Variants in DNAAF5 observed in about 807,000 individuals in gnomAD.
The protein encoded by DNAAF5 is HEAT repeat containing 2.
A neutral mutation model predicts 75.8 loss-of-function variants in DNAAF5; 64 were observed. That is an observed-to-expected ratio of 0.84 (90% CI 0.69 to 1.04). The LOEUF is 1.04. Among genes scored for constraint, DNAAF5 ranks in the 50% least tolerant of loss-of-function variants. The probability of loss-of-function intolerance (pLI) is 0.00; values close to 1 mark genes in which losing one functional copy is unlikely to be tolerated. For missense variants in DNAAF5, 1,269 were observed against 1,178.5 expected (o/e 1.08, Z -1.12); for synonymous variants, 657 against 557.2 (o/e 1.18, Z -2.52).
intron 8 of DNAAF5, among the ~76,000 whole-genome samples, chr7:766,188 G>A (rs753896190): frequency 6.6e-6 from 1 of 152,230 alleles, no homozygotes; most frequent in Non-Finnish European, 1.5e-5. Flanking sequence ...GCGCACACAT[G>A]TGTGGTGCTC....
chr7:753,482 C>T (rs1448976304), intron 4 of DNAAF5, among the ~76,000 whole-genome samples: 1 of 152,226 alleles, frequency 6.6e-6, no homozygotes, highest in Non-Finnish European at 1.5e-5. Context: ...CAGAGGAAGC[C>T]GGGCGAAGGA....
At position 779,379 on chromosome 7, in the gene DNAAF5, G is replaced by A. The variant is rs186613927; in HGVS notation, c.2240-574G>A. 2.3e-3 allele frequency among the ~76,000 whole-genome samples: 352 copies of A among 152,360 alleles called. 1 individual carries two copies. Among genetic ancestry groups the A allele is most frequent in the African/African-American group, 8.0e-3 (333 of 41,588 alleles). ...GCGAATTTCCGGATGCTGCACAGAA[G>A]GGGGTGCCAAAGTTTTTTTAAGATG... is the stretch of plus-strand genomic sequence containing the variant. On this transcript the variant is annotated intron_variant, in intron 11 of 12. Coordinates refer to ENST00000297440, the MANE Select transcript of DNAAF5 (RefSeq NM_017802.4).
chr7:779,930 C>T (rs1345117548), intron 11 of DNAAF5, 23 bp from the exon 12 acceptor site: 2 of 1,607,068 alleles, frequency 1.2e-6, no homozygotes, highest in African/African-American at 1.3e-5. Context: ...GACTCACACA[C>T]CTGTCTCGCT....
At chr7:749,865 AT>A (rs1246055760) in intron 4 of DNAAF5, among the ~76,000 whole-genome samples, 7 of 152,020 alleles carry the variant, frequency 4.6e-5, no homozygotes, top group South Asian at 4.1e-4. Flanking sequence ...CACCTGGATA[AT>A]TTTTGTGTTT....
Position 729,759 on chromosome 7 carries a change from C to G in DNAAF5, c.692C>G (p.Thr231Arg), listed in dbSNP as rs747636361. ...WKVRVAAIEA[T>R]GAVIHFGNGK... ...GTCCGTGTGGCCGCCATTGAAGCCA[C>G]AGGCGCAGTGATCCATTTTGGCAAC... is the stretch of plus-strand genomic sequence containing the variant. The change falls in exon 2 of 13, where the codon ACA (threonine) becomes AGA (arginine). Residue 231 changes from threonine (T) to arginine (R), a missense_variant. Thr to Arg is a moderately conservative substitution (Grantham distance 71). Coordinates refer to ENST00000297440, the MANE Select transcript of DNAAF5 (RefSeq NM_017802.4). 1 of 1,614,226 alleles carries G rather than the reference C, an allele frequency of 6.2e-7. No homozygotes were observed. The highest frequency in any genetic ancestry group is 1.7e-5 in the Admixed American group (1 of 60,034).
rs370474865 is a variant in DNAAF5 at position 779,958 on chromosome 7, T to C, written c.2245T>C (p.Leu749=). Residue 749 remains leucine (L), a synonymous_variant, in exon 12 of 13, where the codon TTA becomes CTA. Coordinates refer to ENST00000297440, the MANE Select transcript of DNAAF5 (RefSeq NM_017802.4). ...GTCTCGCTCCCTCCTTCCAGAACTC[T>C]TAAAACGCCTAGATGACGTGTCCAA... ...EKLIRIYPEL[L]KRLDDVSNDV... The C allele has an allele frequency of 3.1e-6, 5 of 1,613,948 alleles. No individual in the cohort carries two copies. The highest frequency in any genetic ancestry group is 4.2e-6 in the Non-Finnish European group (5 of 1,179,956).
At chr7:737,330 A>G (rs1781769546) in intron 2 of DNAAF5, among the ~76,000 whole-genome samples, 1 of 152,194 alleles carries the variant, frequency 6.6e-6, no homozygotes, top group African/African-American at 2.4e-5. Flanking sequence ...TCCTGAGCTC[A>G]GGTGATCTGC....
At position 726,731 on chromosome 7, in the gene DNAAF5, T is replaced by TG; in HGVS notation, c.16dup (p.Val6GlyfsTer12). On this transcript the variant is annotated frameshift_variant, in exon 1 of 13. Coordinates refer to ENST00000297440, the MANE Select transcript of DNAAF5 (RefSeq NM_017802.4). LOFTEE classifies it high-confidence loss of function. ...GGCGACGCGGGCAAGATGGCGGCGC[T>TG]GGGGGTGGCGGAGGCCGTGGCGGCC... is the stretch of plus-strand genomic sequence containing the variant. The TG allele has an allele frequency of 1.6e-6, 2 of 1,239,902 alleles. No homozygotes were observed. The highest frequency in any genetic ancestry group is 2.0e-6 in the Non-Finnish European group (2 of 992,942). The allele number at this position is 1,239,902 out of a possible 1,614,324, so 76.8% of individuals were successfully genotyped here. A position where few individuals can be genotyped will look rare whatever the true frequency, so the allele number is the denominator to read the frequency against.
At chr7:774,460 C>T (rs1432557816) in intron 10 of DNAAF5, among the ~76,000 whole-genome samples, 6 of 152,242 alleles carry the variant, frequency 3.9e-5, no homozygotes, top group Non-Finnish European at 7.3e-5. Context: ...TTTGCAGCCG[C>T]TCATGAGCGT....
intron 8 of DNAAF5, among the ~76,000 whole-genome samples, chr7:767,833 A>C (rs1015593145): frequency 6.7e-5 from 10 of 148,582 alleles, no homozygotes; most frequent in Non-Finnish European, 1.3e-4. Context: ...TCCGGGTGGA[A>C]GTGTCCCTGC....
intron 1 of DNAAF5, among the ~76,000 whole-genome samples, chr7:727,901 G>A (rs373622656): frequency 6.6e-6 from 1 of 151,552 alleles, no homozygotes; most frequent in South Asian, 2.1e-4. Context: ...CCTGTTAGGC[G>A]GTTTGGGGTG....
intron 9 of DNAAF5, chr7:771,729 G>C (rs1287555899): frequency 6.6e-6 from 1 of 152,228 alleles, no homozygotes; most frequent in Non-Finnish European, 1.5e-5. Flanking sequence ...CAGGGTCCAG[G>C]CCCTTCCCTC....
Position 727,326 on chromosome 7 carries a change from CG to C in DNAAF5, c.595+14del, listed in dbSNP as rs1420358719. 1 of 1,261,152 alleles carries C rather than the reference CG, an allele frequency of 7.9e-7. No homozygotes were observed. Among genetic ancestry groups the C allele is most frequent in the Non-Finnish European group, 1.0e-6 (1 of 1,001,612 alleles). 78.1% of individuals were successfully genotyped at this position (1,261,152 alleles called of 1,614,324 possible). ...CGCAGGCCACGCCCGGTGAGCACCC[CG>C]GGCCCCGCTCCCACACGCCACCCCA... On this transcript the variant is annotated intron_variant, in intron 1 of 12. Coordinates refer to ENST00000297440, the MANE Select transcript of DNAAF5 (RefSeq NM_017802.4).
intron 8 of DNAAF5, 116 bp from the exon 9 acceptor site, chr7:770,355 T>C: frequency 2.4e-6 from 2 of 816,398 alleles, no homozygotes; most frequent in Non-Finnish European, 3.8e-6. Context: ...AGCGGGGAGG[T>C]GGTGGCCGAT....
chr7:763,890 C>T lies in DNAAF5; in HGVS notation c.1699C>T (p.Leu567=), dbSNP rs1319577254. 10 of 1,612,982 alleles carry T rather than the reference C, an allele frequency of 6.2e-6. No homozygotes were observed. The highest frequency in any genetic ancestry group is 4.0e-5 in the African/African-American group (3 of 74,960). The change falls in exon 8 of 13, where the codon CTG becomes TTG. Residue 567 remains leucine (L), a synonymous_variant. Coordinates refer to ENST00000297440, the MANE Select transcript of DNAAF5 (RefSeq NM_017802.4). The part of the protein sequence containing the change: ...DLYRKHIGPL[L]ERVTASHLDW... ...CTACCGCAAGCACATTGGTCCCCTC[C>T]TGGAGCGGGTGACCGCGTCGCACCT...
At chr7:735,588 G>A (rs1392636674) in intron 2 of DNAAF5, among the ~76,000 whole-genome samples, 5 of 152,198 alleles carry the variant, frequency 3.3e-5, no homozygotes, top group Admixed American at 1.3e-4. Context: ...TCACAGTGTA[G>A]TTGCTCACAG....
intron 4 of DNAAF5, among the ~76,000 whole-genome samples, chr7:745,407 C>T (rs1284284613): frequency 6.7e-6 from 1 of 149,170 alleles, no homozygotes; most frequent in Admixed American, 6.7e-5. Flanking sequence ...AGGGAGAAGA[C>T]AGAGCGAGGC....
intron 6 of DNAAF5, 137 bp from the exon 7 acceptor site, chr7:761,616 C>A (rs1782646730): frequency 2.4e-6 from 2 of 821,974 alleles, no homozygotes; most frequent in South Asian, 3.7e-5. Context: ...AAAGACCCAC[C>A]CCCATGATTC....
In DNAAF5 at chr7:754,502, G is replaced by T; in HGVS notation, c.1025-87G>T. 9.2e-7 allele frequency: 1 copy of T among 1,082,640 alleles called. No individual in the cohort carries two copies. Among genetic ancestry groups the T allele is most frequent in the South Asian group, 1.4e-5 (1 of 72,224 alleles). 67.1% of individuals were successfully genotyped at this position (1,082,640 alleles called of 1,614,324 possible). ...GAAATGGTGAGGTTGAAACTCACAGGTGTCCCTTAAATGTGATGTGCGGTA... is the reference window on the plus strand; with the variant it reads ...GAAATGGTGAGGTTGAAACTCACAGTTGTCCCTTAAATGTGATGTGCGGTA... On this transcript the variant is annotated intron_variant, in intron 4 of 12. Transcript: ENST00000297440. This position sits in a 1 kb window ranked among gnomAD's most constrained non-coding sequence, Gnocchi z 4.8.
Sources: gnomAD v4.1 joint callset for allele counts (sites outside exome capture counted in the v4.1 genomes callset) on GRCh38, gnomAD v4.1.1 for gene constraint, Gnocchi (gnomAD v3.1) non-coding constraint, MANE v1.5 for transcripts, NCBI Gene and HGNC (gene_info 2026-07-23, HGNC 2026-07-21) for gene names.